Variants in NMT1 observed in about 807,000 individuals in gnomAD.
NMT1 encodes the protein N-myristoyltransferase 1, also known as glycylpeptide N-tetradecanoyltransferase 1.
A neutral mutation model predicts 63.4 loss-of-function variants in NMT1; 12 were observed. That is an observed-to-expected ratio of 0.19 (90% CI 0.12 to 0.31). NMT1 has a LOEUF of 0.31. Ranked by LOEUF, NMT1 falls within the 10% of genes least tolerant of loss-of-function variation. NMT1 has a pLI of 1.00. For missense variants in NMT1, 432 were observed against 634.6 expected, an observed-to-expected ratio of 0.68 and a Z score of 3.43; for synonymous variants, 228 against 234.3, an observed-to-expected ratio of 0.97 and a Z score of 0.25.
At chr17:45,098,661 G>A (rs943081202) in intron 7 of NMT1, 109 bp downstream of exon 7, 30 of 1,059,774 alleles carry the variant, frequency 2.8e-5, no homozygotes, top group Non-Finnish European at 3.9e-5. Context: ...CACCTCTGGC[G>A]TATCTGGTAA....
rs1448899041 is a variant in NMT1 at position 45,093,889 on chromosome 17, C to T, written c.504+86C>T. 1.4e-5 allele frequency: 16 copies of T among 1,127,380 alleles called. No individual in the cohort carries two copies. The East Asian group carries it at 3.1e-4, about 22-fold the overall frequency. The allele number at this position is 1,127,380 out of a possible 1,614,324, so 69.8% of individuals were successfully genotyped here. On this transcript the variant is annotated intron_variant, in intron 4 of 11. Coordinates refer to ENST00000258960, the MANE Select transcript of NMT1 (RefSeq NM_021079.5). Reference sequence around the variant, plus strand: ...CAGTCTCACCTAGACTACGTTTACTCGAGCCCTAGAGAGCTGAGCCAAGGA... The same window carrying T: ...CAGTCTCACCTAGACTACGTTTACTTGAGCCCTAGAGAGCTGAGCCAAGGA...
chr17:45,099,679 A>G, intron 8 of NMT1, 166 bp downstream of exon 8: 2 of 593,296 alleles, frequency 3.4e-6, no homozygotes, highest in Admixed American at 5.9e-5. Context: ...CTGTTATCTG[A>G]AGCAGGATTT....
rs760391896 is a variant in NMT1 at position 45,093,698 on chromosome 17, C to T, written c.399C>T (p.Asn133=). The T allele has an allele frequency of 1.2e-6, 2 of 1,614,170 alleles. No homozygotes were observed. Among genetic ancestry groups the T allele is most frequent in the South Asian group, 2.2e-5 (2 of 91,080 alleles). The part of the protein sequence containing the change: ...QPVPKLGEVV[N]THGPVEPDKD... ...CTCTTCTTTCAGGCGAAGTGGTGAA[C>T]ACCCATGGCCCCGTGGAGCCTGACA... The change falls in exon 4 of 12, where the codon AAC becomes AAT. Residue 133 remains asparagine (N), a synonymous_variant. Transcript: ENST00000258960.
intron 1 of NMT1, 118 bp downstream of exon 1, chr17:45,061,578 T>C: frequency 1.2e-6 from 1 of 850,010 alleles, no homozygotes; most frequent in Non-Finnish European, 1.8e-6. Context: ...ATTGGCTAAG[T>C]CACTAGGATT....
intron 1 of NMT1, among the ~76,000 whole-genome samples, chr17:45,077,537 T>C (rs2053985844): frequency 6.6e-6 from 1 of 152,174 alleles, no homozygotes; most frequent in East Asian, 1.9e-4. Flanking sequence ...ATTACAGGCA[T>C]GTGCCACCAC....
chr17:45,082,465 C>T (rs117176288), intron 2 of NMT1, among the ~76,000 whole-genome samples: 2,382 of 152,098 alleles, frequency 0.016, 53 homozygotes, highest in South Asian at 0.07. Context: ...TCTCTTAATG[C>T]CATAGTCATT....
At chr17:45,098,020 C>A (rs1299025497) in intron 6 of NMT1, among the ~76,000 whole-genome samples, 2 of 152,174 alleles carry the variant, frequency 1.3e-5, no homozygotes, top group Non-Finnish European at 2.9e-5. Context: ...GGAATCAGAA[C>A]CCTTGAAACC....
At position 45,086,571 on chromosome 17, in the gene NMT1, G is replaced by T. The variant is rs747390700; in HGVS notation, c.304G>T (p.Gly102Cys). ...IQKAIELFSV[G>C]QGPAKTMEEA... ...GAAGGCCATTGAGCTGTTCTCAGTG[G>T]GTCAGGGACCTGCCAAAACCATGGA... The change falls in exon 3 of 12, where the codon GGT (glycine) becomes TGT (cysteine). Residue 102 changes from glycine to cysteine, a missense_variant. Gly to Cys is a radical substitution (Grantham distance 159, BLOSUM62 -3). Transcript: ENST00000258960. 5.0e-6 allele frequency: 8 copies of T among 1,613,786 alleles called. No individual in the cohort carries two copies. The highest frequency in any genetic ancestry group is 6.8e-6 in the Non-Finnish European group (8 of 1,179,842).
At chr17:45,093,937 T>TTC in intron 4 of NMT1, 134 bp downstream of exon 4, 1 of 660,154 alleles carries the variant, frequency 1.5e-6, no homozygotes, top group African/African-American at 1.8e-5. Flanking sequence ...CTCCCGTCTG[T>TTC]AACTTCCTGG....
At chr17:45,069,065 A>G (rs1598002078) in intron 1 of NMT1, among the ~76,000 whole-genome samples, 1 of 150,146 alleles carries the variant, frequency 6.7e-6, no homozygotes, top group Non-Finnish European at 1.5e-5. Flanking sequence ...GGTTCAAGCG[A>G]CTCTCCTGCG....
rs1365847420 is a variant in NMT1 at position 45,106,383 on chromosome 17, T to A, written c.*744T>A. On this transcript the variant is annotated 3_prime_UTR_variant, in exon 12 of 12. Coordinates refer to ENST00000258960, the MANE Select transcript of NMT1 (RefSeq NM_021079.5). The stretch of plus-strand genomic sequence containing the variant: ...CAGACCTCATTGATTGAGTCCTTTC[T>A]TCCATCCCCTTGGCCTGCTCCCTGT... 6.5e-6 allele frequency: 1 copy of A among 152,710 alleles called. No individual in the cohort carries two copies. The highest frequency in any genetic ancestry group is 1.5e-5 in the Non-Finnish European group (1 of 68,062). The allele number at this position is 152,710 out of a possible 1,614,324, so 9.5% of individuals were successfully genotyped here. A position where few individuals can be genotyped will look rare whatever the true frequency, so the allele number is the denominator to read the frequency against.
intron 1 of NMT1, 177 bp downstream of exon 1, chr17:45,061,637 T>C (rs1193987266): frequency 2.2e-5 from 13 of 589,354 alleles, no homozygotes; most frequent in Non-Finnish European, 3.9e-5. Context: ...GGGTGGGTGC[T>C]CTGGATATTA....
Position 45,081,715 on chromosome 17 carries a change from G to T in NMT1, c.203G>T (p.Gly68Val), listed in dbSNP as rs1399730029. The T allele has an allele frequency of 1.4e-5, 22 of 1,597,406 alleles. No homozygotes were observed. In the Admixed American group the frequency reaches 3.8e-4, roughly 28 times the overall value. ...AAACAAAAAAAGAAGAAAGAAAAAG[G>T]CAGTGAGACAGATTCAGCCCAGGAT... ...KKKQKKKKEK[G>V]SETDSAQDQP... The change falls in exon 2 of 12, where the codon GGC becomes GTC. Residue 68 changes from glycine (G) to valine (V), a missense_variant. Around this residue, in one of 4 missense-constraint regions of NMT1, gnomAD observed 121 missense variants for 103.7 expected, o/e 1.17. Transcript: ENST00000258960.
In NMT1 at chr17:45,081,703, A is replaced by G. The variant is rs201559014; in HGVS notation, c.191A>G (p.Lys64Arg). The G allele has an allele frequency of 1.2e-6, 2 of 1,607,778 alleles. No homozygotes were observed. Among genetic ancestry groups the G allele is most frequent in the African/African-American group, 2.7e-5 (2 of 74,850 alleles). ...AKKKKKKQKK[K>R]KEKGSETDSA... is the part of the protein sequence containing the mutation. Reference sequence around the variant, plus strand: ...AAGAAGAAAAAGAAACAAAAAAAGAAGAAAGAAAAAGGCAGTGAGACAGAT... The same window carrying G: ...AAGAAGAAAAAGAAACAAAAAAAGAGGAAAGAAAAAGGCAGTGAGACAGAT... The change falls in exon 2 of 12, where the codon AAG (lysine) becomes AGG (arginine). Residue 64 changes from lysine (K) to arginine (R), a missense_variant. Lys to Arg is a conservative substitution (Grantham distance 26). Coordinates refer to ENST00000258960, the MANE Select transcript of NMT1 (RefSeq NM_021079.5).
chr17:45,093,799 G>A lies in NMT1; in HGVS notation c.500G>A (p.Gly167Asp). 1.9e-6 allele frequency: 3 copies of A among 1,613,478 alleles called. No individual in the cohort carries two copies. Among genetic ancestry groups the A allele is most frequent in the Non-Finnish European group, 2.5e-6 (3 of 1,179,340 alleles). ...GATGCTTTGGACCTGGGCGATCGTGGTGTGGTGAGTGGGCCCTCAGAAGGT... is the reference window on the plus strand; with the variant it reads ...GATGCTTTGGACCTGGGCGATCGTGATGTGGTGAGTGGGCCCTCAGAAGGT... Reference protein sequence around the residue: ...TWDALDLGDRGVLKELYTLLN... With the variant: ...TWDALDLGDRDVLKELYTLLN... The change falls in exon 4 of 12, where the codon GGT becomes GAT. Residue 167 changes from glycine to aspartate, a missense_variant. By Grantham distance (94) the Gly-to-Asp change is moderately conservative. Coordinates refer to ENST00000258960, the MANE Select transcript of NMT1 (RefSeq NM_021079.5).
At chr17:45,072,817 C>T (rs1476848974) in intron 1 of NMT1, among the ~76,000 whole-genome samples, 6 of 151,652 alleles carry the variant, frequency 4.0e-5, no homozygotes, top group Non-Finnish European at 8.8e-5. Flanking sequence ...CCTCGGCCTC[C>T]CAAAGTGCTG....
chr17:45,082,265 C>G (rs2054021737), intron 2 of NMT1, among the ~76,000 whole-genome samples: 1 of 151,542 alleles, frequency 6.6e-6, no homozygotes, highest in Admixed American at 6.6e-5. Context: ...GCCACCACAC[C>G]TGTCCAGTTT....
At chr17:45,084,055 A>AAATGTATGTAGTT (rs2054034185) in intron 2 of NMT1, among the ~76,000 whole-genome samples, 1 of 152,230 alleles carries the variant, frequency 6.6e-6, no homozygotes, top group East Asian at 1.9e-4. Flanking sequence ...TATTAGAAGA[A>AAATGTATGTAGTT]AATGTATGTA....
At chr17:45,084,802 C>G (rs1368657554) in intron 2 of NMT1, among the ~76,000 whole-genome samples, 1 of 152,034 alleles carries the variant, frequency 6.6e-6, no homozygotes, top group Non-Finnish European at 1.5e-5. Context: ...GGGTCAGGAG[C>G]TACTCTCATA....
Sources: allele counts gnomAD v4.1 joint callset (sites outside exome capture counted in the v4.1 genomes callset), GRCh38; gene constraint gnomAD v4.1.1; regional missense constraint gnomAD v4.1.1; transcripts MANE v1.5; gene names NCBI Gene and HGNC (gene_info 2026-07-23, HGNC 2026-07-21).